The following PTPRT variants were observed in gnomAD, a reference collection of about 807,000 sequenced individuals.
PTPRT encodes protein tyrosine phosphatase receptor type T.
PTPRT carries 56 observed loss-of-function variants against 176.8 expected under a neutral mutation model. That is an observed-to-expected ratio of 0.32 (90% CI 0.26 to 0.40). The LOEUF (loss-of-function observed/expected upper bound fraction) is 0.40. Ranked by LOEUF, PTPRT falls within the 10% of genes least tolerant of loss-of-function variation. The pLI is 1.00. For missense variants in PTPRT, 1,540 were observed against 1,908.2 expected (o/e 0.81, Z 3.60); for synonymous variants, 783 against 739.0 (o/e 1.06, Z -0.96).
At chr20:42,203,983 G>A (rs2055387221) in intron 15 of PTPRT, among the ~76,000 whole-genome samples, 1 of 152,212 alleles carries the variant, frequency 6.6e-6, no homozygotes, top group African/African-American at 2.4e-5. Flanking sequence ...CTTGCTGAGT[G>A]TCTGGCACAT....
At chr20:42,835,404 A>G (rs2078164097) in intron 2 of PTPRT, among the ~76,000 whole-genome samples, 1 of 152,242 alleles carries the variant, frequency 6.6e-6, no homozygotes, top group African/African-American at 2.4e-5. Context: ...GAGGACGTAC[A>G]AGGAAGCTTC....
At chr20:42,639,224 AT>A (rs145062184) in intron 7 of PTPRT, among the ~76,000 whole-genome samples, 3,060 of 151,484 alleles carry the variant, frequency 0.02, 118 homozygotes, top group African/African-American at 0.07. Context: ...TGGCATTTAC[AT>A]TTTTTTTTAA....
At chr20:42,038,731 G>A in the PTPRT span, among the ~76,000 whole-genome samples, 1 of 152,208 alleles carries the variant, frequency 6.6e-6, no homozygotes, top group Non-Finnish European at 1.5e-5. Context: ...AGACAAGCCA[G>A]CAGTTAGTAG....
chr20:42,426,321 G>A (rs1265131390), intron 9 of PTPRT, among the ~76,000 whole-genome samples: 1 of 152,066 alleles, frequency 6.6e-6, no homozygotes, highest in Non-Finnish European at 1.5e-5. Context: ...AGAAGAGAAG[G>A]AGCATCCAAA....
Position 43,189,784 on chromosome 20 carries a change from A to C in PTPRT, c.-51T>G. The C allele has an allele frequency of 7.7e-6, 8 of 1,037,606 alleles. No homozygotes were observed. The highest frequency in any genetic ancestry group is 9.4e-6 in the Non-Finnish European group (8 of 853,528). 64.3% of individuals were successfully genotyped at this position (1,037,606 alleles called of 1,614,324 possible). ...CCTTCCCGCGGGGGCCGGGGCCGGG[A>C]CTGGGGCGGGCGCGGGGTGGCCCCG... On this transcript the variant is annotated 5_prime_UTR_variant, in exon 1 of 31. Transcript: ENST00000373187. The surrounding 1 kb of genome is among the most constrained non-coding windows in gnomAD (Gnocchi z 5.0).
Position 42,248,774 on chromosome 20 carries a change from T to C in PTPRT, c.2225A>G (p.Asp742Gly). ...SNTVEPEKQV[D>G]NTVKMAGVIA... ...CACGCCAGCCATCTTCACGGTGTTG[T>C]CCACCTGCTTCTCTGGCTCCACAGT... is the stretch of plus-strand genomic sequence containing the variant. Residue 742 changes from aspartate (D) to glycine (G), a missense_variant, in exon 14 of 31, where the codon GAC (aspartate) becomes GGC (glycine). Around this residue, in one of 11 missense-constraint regions of PTPRT, gnomAD observed 255 missense variants for 250.1 expected, o/e 1.02. Transcript: ENST00000373187. 1 of 1,614,034 alleles carries C rather than the reference T, an allele frequency of 6.2e-7. No individual in the cohort carries two copies. The highest frequency in any genetic ancestry group is 1.1e-5 in the South Asian group (1 of 91,064).
At chr20:42,500,608 TG>T (rs2071735546) in intron 7 of PTPRT, among the ~76,000 whole-genome samples, 1 of 152,188 alleles carries the variant, frequency 6.6e-6, no homozygotes, top group Non-Finnish European at 1.5e-5. Context: ...CCTTACTGGC[TG>T]TCTTTAACAC....
chr20:42,484,617 C>T (rs2071437915), intron 7 of PTPRT, among the ~76,000 whole-genome samples: 1 of 152,196 alleles, frequency 6.6e-6, no homozygotes, highest in Non-Finnish European at 1.5e-5. Context: ...GCGTGTCTGA[C>T]AGATGATGCT....
chr20:42,498,352 G>T (rs1478166983), intron 7 of PTPRT, among the ~76,000 whole-genome samples: 2 of 152,222 alleles, frequency 1.3e-5, no homozygotes. Flanking sequence ...CCCTCTGGAG[G>T]TTAGACAAAA....
At chr20:42,614,028 T>C (rs994277575) in intron 7 of PTPRT, among the ~76,000 whole-genome samples, 3 of 151,598 alleles carry the variant, frequency 2.0e-5, no homozygotes, top group Non-Finnish European at 4.4e-5. Context: ...TATCATCCTA[T>C]TGTTCTAGAA....
intron 23 of PTPRT, among the ~76,000 whole-genome samples, chr20:42,107,664 C>T (rs993426211): frequency 1.8e-4 from 27 of 152,328 alleles, no homozygotes; most frequent in African/African-American, 6.0e-4. Context: ...GTGCCTTACA[C>T]ATGTGCAGTT....
At position 42,985,471 on chromosome 20, in the gene PTPRT, G is replaced by A. The variant is rs1983519790; in HGVS notation, c.89-99539C>T. Among the ~76,000 whole-genome samples, 4 of 152,180 alleles carry A rather than the reference G, an allele frequency of 2.6e-5. 1 individual carries two copies. In the South Asian group the frequency reaches 8.3e-4, roughly 32 times the overall value. On this transcript the variant is annotated intron_variant, in intron 1 of 30. Transcript: ENST00000373187. ...ATCACACCATTGCACTCCAGCCTGG[G>A]CAACAGAGTGAGACTCCGTTGCTAA...
At position 43,189,736 on chromosome 20, in the gene PTPRT, G is replaced by A. The variant is rs1235549927; in HGVS notation, c.-3C>T. The A allele has an allele frequency of 1.1e-5, 14 of 1,232,758 alleles. No homozygotes were observed. Among genetic ancestry groups the A allele is most frequent in the South Asian group, 2.9e-5 (1 of 33,906 alleles). 76.4% of individuals were successfully genotyped at this position (1,232,758 alleles called of 1,614,324 possible). A position where few individuals can be genotyped will look rare whatever the true frequency, so the allele number is the denominator to read the frequency against. On this transcript the variant is annotated 5_prime_UTR_variant, in exon 1 of 31. Coordinates refer to ENST00000373187, the MANE Select transcript of PTPRT (RefSeq NM_007050.6). This position sits in a 1 kb window ranked among gnomAD's most constrained non-coding sequence, Gnocchi z 5.0. Reference sequence around the variant, plus strand: ...GCGAGCGCGGCGAGGCTCGCCATCCGGGCGGCGGCGGGCAGCTCAGCCCCT... The same window carrying A: ...GCGAGCGCGGCGAGGCTCGCCATCCAGGCGGCGGCGGGCAGCTCAGCCCCT...
Position 42,187,927 on chromosome 20 carries a change from C to A in PTPRT, c.2491+11313G>T, listed in dbSNP as rs542225964. ...CATTAACTTGCTGAGTGATCCTAGGCAATGAGTTTCACCTCTGTGGGCCGC... is the reference window on the plus strand; with the variant it reads ...CATTAACTTGCTGAGTGATCCTAGGAAATGAGTTTCACCTCTGTGGGCCGC... On this transcript the variant is annotated intron_variant, in intron 16 of 30. Transcript: ENST00000373187. 5.9e-5 allele frequency among the ~76,000 whole-genome samples: 9 copies of A among 152,346 alleles called. No individual in the cohort carries two copies. The South Asian group carries it at 1.9e-3, about 32-fold the overall frequency.
chr20:43,021,600 G>A (rs938339850), intron 1 of PTPRT, among the ~76,000 whole-genome samples: 12 of 152,080 alleles, frequency 7.9e-5, no homozygotes, highest in South Asian at 6.2e-4. Context: ...GGGCTGGGGT[G>A]TCTCAGGGGC....
intron 7 of PTPRT, among the ~76,000 whole-genome samples, chr20:42,542,559 A>T (rs6065504): frequency 0.53 from 80,530 of 151,978 alleles, 21,472 homozygotes; most frequent in African/African-American, 0.6. Context: ...CTGTTATGTA[A>T]TTCTGTAAGA....
At chr20:42,322,750 T>C (rs1055073006) in intron 11 of PTPRT, among the ~76,000 whole-genome samples, 1 of 151,896 alleles carries the variant, frequency 6.6e-6, no homozygotes, top group Non-Finnish European at 1.5e-5. Flanking sequence ...AAAGCCAAAA[T>C]TGGCAAATGG....
chr20:42,673,232 T>C (rs1333240769), intron 7 of PTPRT, among the ~76,000 whole-genome samples: 1 of 152,192 alleles, frequency 6.6e-6, no homozygotes, highest in Non-Finnish European at 1.5e-5. Context: ...TCCTCCCATC[T>C]ACATCTCAGA....
At chr20:43,185,706 G>A (rs989065165) in intron 1 of PTPRT, among the ~76,000 whole-genome samples, 1 of 152,150 alleles carries the variant, frequency 6.6e-6, no homozygotes, top group Admixed American at 6.5e-5. Context: ...GGCCGAGGTA[G>A]GCACATCACC....
Sources: gnomAD v4.1 joint callset for allele counts (sites outside exome capture counted in the v4.1 genomes callset) on GRCh38, gnomAD v4.1.1 for gene constraint, gnomAD v4.1.1 regional missense constraint, Gnocchi (gnomAD v3.1) non-coding constraint, MANE v1.5 for transcripts, NCBI Gene and HGNC (gene_info 2026-07-23, HGNC 2026-07-21) for gene names.